FSIP1: variants seen among roughly 807,000 people sequenced by gnomAD.
FSIP1 encodes fibrous sheath-interacting protein 1.
Under a neutral mutation model 60.9 loss-of-function variants are expected in FSIP1, and 65 were observed. The observed-to-expected ratio is 1.07, with a 90% CI of 0.87 to 1.31. FSIP1 has a LOEUF of 1.31. FSIP1 is among the 40% of genes most tolerant of loss of function. The pLI is 0.00. For missense variants in FSIP1, 675 were observed against 665.5 expected (o/e 1.01, Z -0.16); for synonymous variants, 209 against 221.2 (o/e 0.94, Z 0.49).
intron 2 of FSIP1, among the ~76,000 whole-genome samples, chr15:39,774,750 G>A (rs985222740): frequency 5.3e-5 from 8 of 152,202 alleles, no homozygotes; most frequent in Non-Finnish European, 8.8e-5. Flanking sequence ...TAGAAGCATC[G>A]TCCTAAGTTC....
At chr15:39,689,964 A>G (rs1894530211) in intron 10 of FSIP1, among the ~76,000 whole-genome samples, 1 of 152,222 alleles carries the variant, frequency 6.6e-6, no homozygotes, top group African/African-American at 2.4e-5. Flanking sequence ...GTACCCATGT[A>G]TTAGGCTTTA....
intron 11 of FSIP1, among the ~76,000 whole-genome samples, chr15:39,610,931 T>C (rs1891005518): frequency 6.6e-6 from 1 of 152,084 alleles, no homozygotes; most frequent in African/African-American, 2.4e-5. Flanking sequence ...AAACAAAAAC[T>C]AAGTAAGTTT....
chr15:39,618,118 GGTGTT>G lies in FSIP1; in HGVS notation c.1311_1315del (p.Thr438CysfsTer12). Reference sequence around the variant, plus strand: ...GGACCTGGAAAGCTGGGGGAACACAGGTGTTACGTCCTCAATGTCTTCCTTTTTTC... The same window carrying G: ...GGACCTGGAAAGCTGGGGGAACACAGACGTCCTCAATGTCTTCCTTTTTTC... On this transcript the variant is annotated frameshift_variant, in exon 11 of 12. Transcript: ENST00000350221. LOFTEE classifies it high-confidence loss of function. 6.2e-7 allele frequency: 1 copy of G among 1,614,124 alleles called. No homozygotes were observed. Among genetic ancestry groups the G allele is most frequent in the Non-Finnish European group, 8.5e-7 (1 of 1,180,016 alleles).
intron 10 of FSIP1, 147 bp from the exon 11 acceptor site, chr15:39,618,392 A>G (rs1162100486): frequency 1.5e-6 from 1 of 681,424 alleles, no homozygotes; most frequent in African/African-American, 1.8e-5. Context: ...TAAAGTATCC[A>G]AAACTGTAGG....
chr15:39,664,416 A>C (rs1444232956), intron 10 of FSIP1, among the ~76,000 whole-genome samples: 2 of 152,180 alleles, frequency 1.3e-5, no homozygotes, highest in Non-Finnish European at 2.9e-5. Flanking sequence ...CCATCCATTC[A>C]TCATATTTAT....
intron 9 of FSIP1, among the ~76,000 whole-genome samples, chr15:39,726,016 T>A (rs1175845059): frequency 6.6e-6 from 1 of 152,154 alleles, no homozygotes; most frequent in Non-Finnish European, 1.5e-5. Context: ...GGTCTTGAAC[T>A]CCTGACCTCA....
intron 8 of FSIP1, among the ~76,000 whole-genome samples, chr15:39,732,594 G>C (rs1377874797): frequency 1.4e-5 from 2 of 146,018 alleles, no homozygotes; most frequent in East Asian, 3.9e-4. Context: ...ACTCCAGTGT[G>C]GGTGACAAGA....
At position 39,677,872 on chromosome 15, in the gene FSIP1, T is replaced by C. The variant is rs548704376; in HGVS notation, c.1188+35572A>G. Among the ~76,000 whole-genome samples, 216 of 152,146 alleles carry C rather than the reference T, an allele frequency of 1.4e-3. 1 individual carries two copies. Among genetic ancestry groups the C allele is most frequent in the African/African-American group, 5.0e-3 (207 of 41,474 alleles). On this transcript the variant is annotated intron_variant, in intron 10 of 11. Transcript: ENST00000350221. The stretch of plus-strand genomic sequence containing the variant: ...TTGGCTGGGTGTGGTGGTGTATGCC[T>C]GTAGTCCCAGTTACTCGGGAGGCTG...
rs112516658 is a variant in FSIP1 at position 39,638,816 on chromosome 15, A to ATG, written c.1189-20573_1189-20572dup. Among the ~76,000 whole-genome samples the ATG allele has an allele frequency of 6.2e-3, 944 of 151,412 alleles. 10 individuals carry two copies. Among genetic ancestry groups the ATG allele is most frequent in the African/African-American group, 0.022 (889 of 41,206 alleles). ...CACATGTGGGTGCGTGTGTGGGTGC[A>ATG]TGTGTGTGTGCGCGTGTGTGTGTGC... On this transcript the variant is annotated intron_variant, in intron 10 of 11. Coordinates refer to ENST00000350221, the MANE Select transcript of FSIP1 (RefSeq NM_152597.5).
chr15:39,735,722 C>T (rs990929181), intron 8 of FSIP1, among the ~76,000 whole-genome samples: 2 of 152,072 alleles, frequency 1.3e-5, no homozygotes, highest in Non-Finnish European at 2.9e-5. Context: ...TTTTCGCTCT[C>T]TTATAATAAC....
intron 5 of FSIP1, among the ~76,000 whole-genome samples, chr15:39,760,728 G>A (rs931927525): frequency 6.6e-6 from 1 of 152,052 alleles, no homozygotes; most frequent in East Asian, 1.9e-4. Context: ...TTGGATACTA[G>A]TAAATAAAAA....
chr15:39,649,846 C>T (rs1032575122), intron 10 of FSIP1, among the ~76,000 whole-genome samples: 1 of 152,212 alleles, frequency 6.6e-6, no homozygotes, highest in Non-Finnish European at 1.5e-5. Flanking sequence ...AAGCCAATAT[C>T]CCGATTGCCT....
intron 10 of FSIP1, among the ~76,000 whole-genome samples, chr15:39,628,063 G>A (rs1891718088): frequency 6.6e-6 from 1 of 152,194 alleles, no homozygotes; most frequent in Non-Finnish European, 1.5e-5. Context: ...GGCCAACACT[G>A]TCAACGCCAT....
At chr15:39,708,748 C>A (rs1334925902) in intron 10 of FSIP1, among the ~76,000 whole-genome samples, 5 of 152,182 alleles carry the variant, frequency 3.3e-5, no homozygotes, top group African/African-American at 4.8e-5. Flanking sequence ...GCTTACTTCT[C>A]TCTTAATGTG....
intron 5 of FSIP1, chr15:39,747,278 G>A (rs974142476): frequency 6.6e-5 from 10 of 152,174 alleles, no homozygotes; most frequent in African/African-American, 2.4e-4. Flanking sequence ...AGTAATACAA[G>A]GAATTTAGAA....
At chr15:39,685,259 A>G (rs933682685) in intron 10 of FSIP1, among the ~76,000 whole-genome samples, 6 of 152,192 alleles carry the variant, frequency 3.9e-5, no homozygotes, top group Non-Finnish European at 7.3e-5. Context: ...TCCATGACAA[A>G]AAAAAATTGT....
chr15:39,735,165 C>T (rs1015627312), intron 8 of FSIP1, among the ~76,000 whole-genome samples: 2 of 152,166 alleles, frequency 1.3e-5, no homozygotes, highest in Admixed American at 6.5e-5. Flanking sequence ...ATAAAGTAGA[C>T]AAATTACAGT....
In FSIP1 at chr15:39,601,700, A is replaced by C. The variant is rs138930554; in HGVS notation, c.1700-774T>G. Among the ~76,000 whole-genome samples the C allele has an allele frequency of 6.4e-3, 979 of 152,384 alleles. 11 individuals are homozygous for C. Among genetic ancestry groups the C allele is most frequent in the African/African-American group, 0.022 (922 of 41,590 alleles). On this transcript the variant is annotated intron_variant, in intron 11 of 11. Transcript: ENST00000350221. Reference sequence around the variant, plus strand: ...AAGCAAAATGTGATATATCCATATAATTGAGACTTATTCAACAATAGAAAA... The same window carrying C: ...AAGCAAAATGTGATATATCCATATACTTGAGACTTATTCAACAATAGAAAA...
chr15:39,725,464 G>A (rs972337933), intron 9 of FSIP1, among the ~76,000 whole-genome samples: 16 of 152,258 alleles, frequency 1.1e-4, no homozygotes, highest in Non-Finnish European at 1.8e-4. Flanking sequence ...TTCCCCTGAG[G>A]TTGCTTCAAC....
Sources: gnomAD v4.1 joint callset for allele counts (sites outside exome capture counted in the v4.1 genomes callset) on GRCh38, gnomAD v4.1.1 for gene constraint, MANE v1.5 for transcripts, NCBI Gene and HGNC (gene_info 2026-07-23, HGNC 2026-07-21) for gene names.